DGKI: variants seen among roughly 807,000 people sequenced by gnomAD.
DGKI encodes the protein diacylglycerol kinase iota.
Under a neutral mutation model 147.5 loss-of-function variants are expected in DGKI, and 55 were observed. The observed-to-expected ratio is 0.37, with a 90% CI of 0.30 to 0.47. DGKI has a LOEUF of 0.47. Among genes scored for constraint, DGKI ranks in the 20% least tolerant of loss-of-function variants. DGKI has a pLI of 1.00. For missense variants in DGKI, 1,007 were observed against 1,323.8 expected (o/e 0.76, Z 3.71); for synonymous variants, 469 against 477.1 (o/e 0.98, Z 0.22).
chr7:137,645,930 C>A (rs1428906348), intron 5 of DGKI, among the ~76,000 whole-genome samples: 2 of 152,172 alleles, frequency 1.3e-5, no homozygotes, highest in African/African-American at 4.8e-5. Context: ...TCTGTAGATT[C>A]CACTTCTCAT....
At chr7:137,826,279 G>C (rs1205083334) in intron 1 of DGKI, among the ~76,000 whole-genome samples, 1 of 152,164 alleles carries the variant, frequency 6.6e-6, no homozygotes, top group East Asian at 1.9e-4. Context: ...CCAGCTCTCA[G>C]GCATTGCAAT....
At chr7:137,564,782 T>C (rs755109398) in intron 19 of DGKI, among the ~76,000 whole-genome samples, 2 of 152,242 alleles carry the variant, frequency 1.3e-5, no homozygotes, top group African/African-American at 2.4e-5. Flanking sequence ...CATTAACACA[T>C]TTTCAACATC....
chr7:137,775,635 C>G (rs770657119), intron 1 of DGKI, among the ~76,000 whole-genome samples: 2 of 152,178 alleles, frequency 1.3e-5, no homozygotes, highest in Non-Finnish European at 2.9e-5. Context: ...CCAACAATTC[C>G]TCGTCTATAA....
chr7:137,748,441 T>C (rs1435281990), intron 1 of DGKI, among the ~76,000 whole-genome samples: 1 of 152,030 alleles, frequency 6.6e-6, no homozygotes, highest in Non-Finnish European at 1.5e-5. Context: ...TACATAGTAT[T>C]CATACATATA....
chr7:137,720,191 A>G (rs1228924330), intron 1 of DGKI, among the ~76,000 whole-genome samples: 1 of 151,466 alleles, frequency 6.6e-6, no homozygotes, highest in Non-Finnish European at 1.5e-5. Context: ...AACTAATATT[A>G]TAACTAGAAG....
chr7:137,548,229 G>C (rs1355531674), intron 20 of DGKI, among the ~76,000 whole-genome samples: 1 of 152,218 alleles, frequency 6.6e-6, no homozygotes, highest in Non-Finnish European at 1.5e-5. Flanking sequence ...AGAGAAGATA[G>C]AGGAGATGAG....
At chr7:137,396,562 C>T (rs190153177) in intron 31 of DGKI, among the ~76,000 whole-genome samples, 1 of 152,330 alleles carries the variant, frequency 6.6e-6, no homozygotes, top group Admixed American at 6.5e-5. Context: ...GATGTGCTGG[C>T]ATGTGGACCA....
chr7:137,535,629 T>C (rs1379271574), intron 20 of DGKI, among the ~76,000 whole-genome samples: 4 of 152,126 alleles, frequency 2.6e-5, no homozygotes, highest in African/African-American at 9.7e-5. Flanking sequence ...GCTGCACTTT[T>C]GAAGTAACCT....
chr7:137,835,456 T>A (rs995155682), intron 1 of DGKI, among the ~76,000 whole-genome samples: 4 of 152,204 alleles, frequency 2.6e-5, no homozygotes, highest in African/African-American at 9.7e-5. Context: ...ATGCAATTGC[T>A]ATAAAAATGA....
intron 1 of DGKI, among the ~76,000 whole-genome samples, chr7:137,743,189 C>T (rs1828667993): frequency 6.6e-6 from 1 of 152,148 alleles, no homozygotes; most frequent in African/African-American, 2.4e-5. Context: ...AGTAGGGGAC[C>T]TCTAACACAT....
intron 3 of DGKI, among the ~76,000 whole-genome samples, chr7:137,660,886 AG>A (rs1319053142): frequency 1.3e-5 from 2 of 149,998 alleles, no homozygotes; most frequent in Non-Finnish European, 3.0e-5. Context: ...AGGGGAGGAA[AG>A]GAGAAGAGGG....
chr7:137,492,132 G>C (rs573533670), intron 21 of DGKI, among the ~76,000 whole-genome samples: 1 of 152,202 alleles, frequency 6.6e-6, no homozygotes, highest in African/African-American at 2.4e-5. Context: ...CCACATCGAA[G>C]CTTGAAGTCA....
intron 1 of DGKI, among the ~76,000 whole-genome samples, chr7:137,697,812 TA>T: frequency 6.6e-6 from 1 of 152,050 alleles, no homozygotes; most frequent in African/African-American, 2.4e-5. Context: ...AATAACATCT[TA>T]AAAAATAAAA....
In DGKI at chr7:137,522,509, A is replaced by G. The variant is rs1404428207; in HGVS notation, c.2148-543T>C. On this transcript the variant is annotated intron_variant, in intron 20 of 32. Transcript: ENST00000614521. ...GCACCTCTCAGTCAAAGCATATTGC[A>G]ATAAACACTGCTTGTAATGGTGGCT... Among the ~76,000 whole-genome samples, 3 of 152,136 alleles carry G rather than the reference A, an allele frequency of 2.0e-5. No homozygotes were observed. The East Asian group carries it at 5.8e-4, about 29-fold the overall frequency.
intron 6 of DGKI, among the ~76,000 whole-genome samples, chr7:137,643,912 G>A (rs1488470205): frequency 6.6e-6 from 1 of 152,184 alleles, no homozygotes; most frequent in Non-Finnish European, 1.5e-5. Flanking sequence ...TTTTTCCAAA[G>A]TGAAGGACCT....
intron 3 of DGKI, among the ~76,000 whole-genome samples, chr7:137,677,797 A>G (rs1372296125): frequency 6.6e-6 from 1 of 152,200 alleles, no homozygotes; most frequent in African/African-American, 2.4e-5. Flanking sequence ...TACATCTTTT[A>G]TCTCTTCTTT....
At chr7:137,432,534 A>G (rs369661837) in intron 28 of DGKI, among the ~76,000 whole-genome samples, 2 of 152,176 alleles carry the variant, frequency 1.3e-5, no homozygotes, top group East Asian at 1.9e-4. Context: ...GTCTTTGCCT[A>G]TATTACCTAA....
intron 3 of DGKI, among the ~76,000 whole-genome samples, chr7:137,671,204 C>T (rs573705510): frequency 6.6e-6 from 1 of 152,208 alleles, no homozygotes; most frequent in Non-Finnish European, 1.5e-5. Flanking sequence ...TTCCAAGAAT[C>T]TAAGGACATG....
At position 137,481,114 on chromosome 7, in the gene DGKI, T is replaced by C. The variant is rs1422829824; in HGVS notation, c.2373+4260A>G. Among the ~76,000 whole-genome samples, 7 of 152,106 alleles carry C rather than the reference T, an allele frequency of 4.6e-5. No homozygotes were observed. The East Asian group carries it at 1.2e-3, about 25-fold the overall frequency. On this transcript the variant is annotated intron_variant, in intron 23 of 32. Transcript: ENST00000614521. The stretch of plus-strand genomic sequence containing the variant: ...ACATTTGGGGCTGGATAATTCTTCA[T>C]GGTAGGAGGCTTCTCTGTGCACGCT...
Sources: gnomAD v4.1 joint callset for allele counts (sites outside exome capture counted in the v4.1 genomes callset) on GRCh38, gnomAD v4.1.1 for gene constraint, MANE v1.5 for transcripts, NCBI Gene and HGNC (gene_info 2026-07-23, HGNC 2026-07-21) for gene names.